Variants in SLC44A5 observed in about 807,000 individuals in gnomAD.
SLC44A5 encodes solute carrier family 44 member 5.
SLC44A5 carries 57 observed loss-of-function variants against 101.8 expected under a neutral mutation model. That is an observed-to-expected ratio of 0.56 (90% CI 0.45 to 0.70). SLC44A5 has a LOEUF of 0.70. Among genes scored for constraint, SLC44A5 ranks in the 30% least tolerant of loss-of-function variants. The pLI is 0.00. For synonymous variants in SLC44A5, 281 were observed against 290.9 expected (o/e 0.97, Z 0.35); for missense variants, 737 against 853.1 (o/e 0.86, Z 1.70).
At chr1:75,277,262 T>G (rs1190458598) in intron 5 of SLC44A5, among the ~76,000 whole-genome samples, 3 of 152,178 alleles carry the variant, frequency 2.0e-5, no homozygotes, top group Admixed American at 2.0e-4. Context: ...AATAATAAGA[T>G]CTTTCATTTA....
intron 2 of SLC44A5, among the ~76,000 whole-genome samples, chr1:75,534,118 G>C (rs750543765): frequency 6.6e-6 from 1 of 152,146 alleles, no homozygotes; most frequent in Non-Finnish European, 1.5e-5. Context: ...CAATTGATCA[G>C]AGCTGGCAGA....
rs570011894 is a variant in SLC44A5, at chr1:75,249,336, T to A, written c.345+1874A>T. Reference sequence around the variant, plus strand: ...TATTAAGTTTCTGAGGTAATTGTAATGCTAGAAAAAATCATGAGGTAGCCT... The same window carrying A: ...TATTAAGTTTCTGAGGTAATTGTAAAGCTAGAAAAAATCATGAGGTAGCCT... On this transcript the variant is annotated intron_variant, in intron 7 of 23. Transcript: ENST00000370859. Among the ~76,000 whole-genome samples the A allele has an allele frequency of 1.4e-4, 21 of 152,218 alleles. 1 individual carries two copies. The East Asian group carries it at 4.1e-3, about 29-fold the overall frequency.
intron 2 of SLC44A5, among the ~76,000 whole-genome samples, chr1:75,446,936 T>G (rs567807801): frequency 3.8e-4 from 58 of 152,338 alleles, no homozygotes; most frequent in African/African-American, 1.4e-3. Context: ...ACTATTTAGA[T>G]GCAATCATTC....
chr1:75,459,468 G>C (rs1666376099), intron 2 of SLC44A5, among the ~76,000 whole-genome samples: 1 of 152,080 alleles, frequency 6.6e-6, no homozygotes, highest in Non-Finnish European at 1.5e-5. Context: ...ATCCTTTGTA[G>C]AGGATCCCCT....
the SLC44A5 span, among the ~76,000 whole-genome samples, chr1:75,664,082 A>C: frequency 8.6e-5 from 13 of 151,306 alleles, no homozygotes; most frequent in Admixed American, 5.3e-4. Flanking sequence ...ATAGACACAG[A>C]AAAAGATTTT....
intron 2 of SLC44A5, among the ~76,000 whole-genome samples, chr1:75,506,425 A>C (rs1283887728): frequency 6.6e-6 from 1 of 152,142 alleles, no homozygotes; most frequent in African/African-American, 2.4e-5. Context: ...TTGAATCTAT[A>C]GATTGCTTTG....
chr1:75,620,798 A>G, the SLC44A5 span, among the ~76,000 whole-genome samples: 1 of 152,216 alleles, frequency 6.6e-6, no homozygotes, highest in Non-Finnish European at 1.5e-5. Flanking sequence ...CACTCTGATG[A>G]TAGTTTCTTT....
intron 5 of SLC44A5, among the ~76,000 whole-genome samples, chr1:75,297,726 A>G (rs1463099823): frequency 6.6e-6 from 1 of 152,224 alleles, no homozygotes; most frequent in Admixed American, 6.5e-5. Flanking sequence ...AATAGTAACC[A>G]TCACCAAAGT....
intron 3 of SLC44A5, among the ~76,000 whole-genome samples, chr1:75,352,190 C>CT (rs1032873477): frequency 1.3e-5 from 2 of 151,856 alleles, no homozygotes; most frequent in Non-Finnish European, 2.9e-5. Context: ...TTCTTTGTCT[C>CT]TTTTTTTTCT....
At chr1:75,398,709 A>T (rs1239223263) in intron 2 of SLC44A5, among the ~76,000 whole-genome samples, 1 of 152,212 alleles carries the variant, frequency 6.6e-6, no homozygotes, top group East Asian at 1.9e-4. Flanking sequence ...AATGAATCAA[A>T]AAAAGCAAAG....
intron 3 of SLC44A5, among the ~76,000 whole-genome samples, chr1:75,359,223 T>C (rs572761572): frequency 2.0e-4 from 30 of 149,978 alleles, no homozygotes; most frequent in African/African-American, 6.6e-4. Context: ...ATATGCCATT[T>C]TCTTTTCTTT....
intron 2 of SLC44A5, among the ~76,000 whole-genome samples, chr1:75,445,999 T>C (rs1384711224): frequency 1.3e-5 from 2 of 152,078 alleles, no homozygotes; most frequent in African/African-American, 4.8e-5. Flanking sequence ...ATATGAGCTC[T>C]ACCTCCAAAA....
rs569464447 is a variant in SLC44A5 at position 75,208,461 on chromosome 1, A to C, written c.2047+3007T>G. Among the ~76,000 whole-genome samples the C allele has an allele frequency of 1.4e-4, 22 of 152,310 alleles. No homozygotes were observed. In the South Asian group the frequency reaches 4.1e-3, roughly 29 times the overall value. Reference sequence around the variant, plus strand: ...GGCGTGAGCCACCATGCCCGGCAAAACAAATTTTTTATACGTGAAATTGTG... The same window carrying C: ...GGCGTGAGCCACCATGCCCGGCAAACCAAATTTTTTATACGTGAAATTGTG... On this transcript the variant is annotated intron_variant, in intron 23 of 23. Coordinates refer to ENST00000370859, the MANE Select transcript of SLC44A5 (RefSeq NM_001130058.2).
chr1:75,702,480 C>T, the SLC44A5 span, among the ~76,000 whole-genome samples: 1 of 152,040 alleles, frequency 6.6e-6, no homozygotes, highest in Non-Finnish European at 1.5e-5. Context: ...AACTGGATCC[C>T]TTCCTTACAC....
At chr1:75,500,009 G>A (rs1668872383) in intron 2 of SLC44A5, among the ~76,000 whole-genome samples, 1 of 152,114 alleles carries the variant, frequency 6.6e-6, no homozygotes, top group African/African-American at 2.4e-5. Context: ...CAATGCCCAC[G>A]TGATGTTGAA....
the SLC44A5 span, among the ~76,000 whole-genome samples, chr1:75,617,463 G>C: frequency 1.3e-5 from 2 of 152,098 alleles, no homozygotes; most frequent in Non-Finnish European, 2.9e-5. Context: ...CTGCTCTTCT[G>C]TTTTCTGATA....
chr1:75,529,167 A>G (rs1670586928), intron 2 of SLC44A5, among the ~76,000 whole-genome samples: 1 of 152,188 alleles, frequency 6.6e-6, no homozygotes, highest in South Asian at 2.1e-4. Context: ...TGTTGGATGG[A>G]TGTCGTACAA....
At chr1:75,298,459 AT>A (rs1654142578) in intron 5 of SLC44A5, among the ~76,000 whole-genome samples, 1 of 152,122 alleles carries the variant, frequency 6.6e-6, no homozygotes, top group Non-Finnish European at 1.5e-5. Flanking sequence ...TACAAACTGA[AT>A]TTGGGGTTCT....
intron 5 of SLC44A5, among the ~76,000 whole-genome samples, chr1:75,285,525 G>C (rs549348756): frequency 4.0e-5 from 6 of 151,826 alleles, no homozygotes; most frequent in African/African-American, 1.4e-4. Flanking sequence ...GGTTTGGTTT[G>C]TTCTTGTTTC....
Sources: gnomAD v4.1 joint callset for allele counts (sites outside exome capture counted in the v4.1 genomes callset) on GRCh38, gnomAD v4.1.1 for gene constraint, MANE v1.5 for transcripts, NCBI Gene and HGNC (gene_info 2026-07-23, HGNC 2026-07-21) for gene names.